AP3B1: variants seen among roughly 807,000 people sequenced by gnomAD.
AP3B1 encodes the protein AP-3 complex subunit beta-1.
In AP3B1, 61 loss-of-function variants were observed where a neutral mutation model predicts 132.5. That is an observed-to-expected ratio of 0.46 (90% CI 0.37 to 0.57). The LOEUF (loss-of-function observed/expected upper bound fraction) is 0.57. Ranked by LOEUF, AP3B1 falls within the 20% of genes least tolerant of loss-of-function variation. The pLI, the probability that AP3B1 is intolerant of heterozygous loss-of-function variation, is 0.00. For missense variants in AP3B1, 1,120 were observed against 1,289.4 expected (o/e 0.87, Z 2.01); for synonymous variants, 388 against 438.3 (o/e 0.89, Z 1.43).
intron 11 of AP3B1, among the ~76,000 whole-genome samples, chr5:78,172,560 T>A (rs1743964336): frequency 6.6e-6 from 1 of 152,216 alleles, no homozygotes; most frequent in Admixed American, 6.5e-5. Context: ...TAGTTTATAT[T>A]TCTGTGGGAT....
chr5:78,248,480 G>C (rs561431083), intron 2 of AP3B1, among the ~76,000 whole-genome samples: 3 of 122,038 alleles, frequency 2.5e-5, no homozygotes, highest in Non-Finnish European at 1.6e-5. Context: ...GCAACAGAGC[G>C]AGACTCTGTC....
chr5:78,169,362 C>T (rs935089686), intron 11 of AP3B1, among the ~76,000 whole-genome samples: 1 of 152,186 alleles, frequency 6.6e-6, no homozygotes, highest in Non-Finnish European at 1.5e-5. Flanking sequence ...CTTTTCTAAA[C>T]CTCTCATAGA....
chr5:78,009,462 A>G (rs1561350471), intron 26 of AP3B1, among the ~76,000 whole-genome samples: 1 of 147,540 alleles, frequency 6.8e-6, no homozygotes, highest in Non-Finnish European at 1.5e-5. Flanking sequence ...GTCTTAAAAG[A>G]AAAAAAAAAA....
intron 7 of AP3B1, among the ~76,000 whole-genome samples, chr5:78,183,298 G>A (rs531760930): frequency 6.6e-6 from 1 of 152,280 alleles, no homozygotes; most frequent in East Asian, 1.9e-4. Context: ...TTCCCTGCTA[G>A]AGTGGTATCA....
chr5:78,255,445 C>G (rs1464910127), intron 2 of AP3B1, among the ~76,000 whole-genome samples: 1 of 128,254 alleles, frequency 7.8e-6, no homozygotes, highest in Non-Finnish European at 1.7e-5. Flanking sequence ...GCAGGAGTTG[C>G]TATACAATAC....
At chr5:78,274,486 A>G (rs1483416639) in intron 1 of AP3B1, among the ~76,000 whole-genome samples, 1 of 152,002 alleles carries the variant, frequency 6.6e-6, no homozygotes, top group Admixed American at 6.6e-5. Context: ...TGAAGAGATA[A>G]TGGTTAAGAA....
chr5:78,052,024 A>C (rs1748604731), intron 22 of AP3B1, among the ~76,000 whole-genome samples: 1 of 151,448 alleles, frequency 6.6e-6, no homozygotes, highest in Non-Finnish European at 1.5e-5. Context: ...AGGATTTAAA[A>C]AAGTAAACGG....
intron 24 of AP3B1, among the ~76,000 whole-genome samples, chr5:78,029,074 C>T (rs1232519254): frequency 6.6e-6 from 1 of 152,038 alleles, no homozygotes; most frequent in Non-Finnish European, 1.5e-5. Flanking sequence ...TCTATGTAAA[C>T]ATATATATCT....
At chr5:78,269,079 C>T (rs1177882026) in intron 1 of AP3B1, among the ~76,000 whole-genome samples, 4 of 152,126 alleles carry the variant, frequency 2.6e-5, no homozygotes, top group Non-Finnish European at 5.9e-5. Context: ...TTCTTCATTA[C>T]GTAGATTCAA....
rs1411319126 is a variant in AP3B1, at chr5:78,097,233, G to A, written c.2470+3720C>T. Among the ~76,000 whole-genome samples, 12 of 128,222 alleles carry A rather than the reference G, an allele frequency of 9.4e-5. No homozygotes were observed. The East Asian group carries it at 2.8e-3, about 30-fold the overall frequency. The allele number at this position is 128,222 out of a possible 152,430, so 84.1% of individuals were successfully genotyped here. On this transcript the variant is annotated intron_variant, in intron 21 of 26. Transcript: ENST00000255194. Reference sequence around the variant, plus strand: ...GGCCAGCCACCCCGTCCGGGAGGGAGGTGGGGGGGTCAGCCCCCCGCCCGG... The same window carrying A: ...GGCCAGCCACCCCGTCCGGGAGGGAAGTGGGGGGGTCAGCCCCCCGCCCGG...
chr5:78,095,373 CT>C (rs1368170617), intron 21 of AP3B1, among the ~76,000 whole-genome samples: 2 of 152,214 alleles, frequency 1.3e-5, no homozygotes, highest in Non-Finnish European at 2.9e-5. Flanking sequence ...CAAGATTAAT[CT>C]AATTCTCACA....
chr5:78,082,715 AGT>A (rs1356955375), intron 22 of AP3B1, among the ~76,000 whole-genome samples: 1 of 152,186 alleles, frequency 6.6e-6, no homozygotes, highest in Non-Finnish European at 1.5e-5. Context: ...GAACTCTAAA[AGT>A]GTATTTCCAC....
intron 22 of AP3B1, among the ~76,000 whole-genome samples, chr5:78,088,223 AGACTT>A (rs1276609423): frequency 2.0e-5 from 3 of 152,212 alleles, no homozygotes; most frequent in Non-Finnish European, 4.4e-5. Flanking sequence ...AATAAATAAA[AGACTT>A]AACTGCTTAT....
At chr5:78,104,931 A>G (rs1330452276) in intron 20 of AP3B1, among the ~76,000 whole-genome samples, 1 of 152,178 alleles carries the variant, frequency 6.6e-6, no homozygotes, top group African/African-American at 2.4e-5. Context: ...ACTGCTACGT[A>G]TATACAGTTG....
chr5:78,292,082 C>G (rs1422399527), intron 1 of AP3B1, among the ~76,000 whole-genome samples: 2 of 151,976 alleles, frequency 1.3e-5, no homozygotes, highest in Non-Finnish European at 2.9e-5. Context: ...GGGTAGCTCT[C>G]TGTGTCATTG....
intron 11 of AP3B1, among the ~76,000 whole-genome samples, chr5:78,172,519 G>C (rs1743962274): frequency 6.6e-6 from 1 of 152,164 alleles, no homozygotes; most frequent in Non-Finnish European, 1.5e-5. Context: ...TAGTTGATTT[G>C]CATAGAGGTA....
At chr5:78,087,758 C>G in intron 22 of AP3B1, 1 of 895,038 alleles carries the variant, frequency 1.1e-6, no homozygotes. Flanking sequence ...TTACTACAAG[C>G]TTTTCTAATC....
In AP3B1 at chr5:78,099,942, T is replaced by C. The variant is rs116567392; in HGVS notation, c.2470+1011A>G. 9.5e-4 allele frequency among the ~76,000 whole-genome samples: 145 copies of C among 152,168 alleles called. 2 individuals carry two copies. The highest frequency in any genetic ancestry group is 9.9e-4 in the Non-Finnish European group (67 of 68,016). Reference sequence around the variant, plus strand: ...AGGGTATGTGCAATTTAAGTTTTGATAGATATTGCTAAAATGACTCCAAAG... The same window carrying C: ...AGGGTATGTGCAATTTAAGTTTTGACAGATATTGCTAAAATGACTCCAAAG... On this transcript the variant is annotated intron_variant, in intron 21 of 26. Transcript: ENST00000255194.
At chr5:78,215,608 T>C (rs1191693337) in intron 7 of AP3B1, among the ~76,000 whole-genome samples, 1 of 152,208 alleles carries the variant, frequency 6.6e-6, no homozygotes, top group African/African-American at 2.4e-5. Context: ...CAACAATATT[T>C]ATCTATAGAG....
Sources: gnomAD v4.1 joint callset for allele counts (sites outside exome capture counted in the v4.1 genomes callset) on GRCh38, gnomAD v4.1.1 for gene constraint, MANE v1.5 for transcripts, NCBI Gene and HGNC (gene_info 2026-07-23, HGNC 2026-07-21) for gene names.